ABLIM1: variants seen among roughly 807,000 people sequenced by gnomAD.
ABLIM1 encodes actin binding LIM protein 1.
In ABLIM1, 40 loss-of-function variants were observed where a neutral mutation model predicts 107.0. That is an observed-to-expected ratio of 0.37 (90% CI 0.29 to 0.49). The LOEUF (loss-of-function observed/expected upper bound fraction) is 0.49, where lower values mean the gene tolerates loss of function less well. Ranked by LOEUF, ABLIM1 falls within the 20% of genes least tolerant of loss-of-function variation. ABLIM1 has a pLI of 0.97. For synonymous variants in ABLIM1, 357 were observed against 357.3 expected, an observed-to-expected ratio of 1.00 and a Z score of 0.01; for missense variants, 857 against 1,008.5, an observed-to-expected ratio of 0.85 and a Z score of 2.04.
At chr10:114,563,565 T>C (rs2070127592) in intron 4 of ABLIM1, among the ~76,000 whole-genome samples, 1 of 152,082 alleles carries the variant, frequency 6.6e-6, no homozygotes, top group Non-Finnish European at 1.5e-5. Context: ...CCAGGACTGG[T>C]GGCTAATGCC....
chr10:114,760,747 C>T (rs2082728200), intron 1 of ABLIM1, among the ~76,000 whole-genome samples: 1 of 152,184 alleles, frequency 6.6e-6, no homozygotes, highest in South Asian at 2.1e-4. Context: ...GGGAACAATT[C>T]AACCTTCTGA....
At position 114,473,119 on chromosome 10, in the gene ABLIM1, T is replaced by A. The variant is rs766723556; in HGVS notation, c.1133A>T (p.Asn378Ile). ...TAAATCCTTGTAATCCAGGATCTCA[T>A]TGTCTACTTTTGCCTGGCAAAGTTA... is the stretch of plus-strand genomic sequence containing the variant. The part of the protein sequence containing the change: ...PGHTIYAKVD[N>I]EILDYKDLAA... The change falls in exon 10 of 23, where the codon AAT (asparagine) becomes ATT (isoleucine). Residue 378 changes from asparagine (N) to isoleucine (I), a missense_variant. By Grantham distance (149) the Asn-to-Ile change is moderately radical. This residue lies in a region of ABLIM1 where 381 missense variants were observed against 506.9 expected (regional missense o/e 0.75). Transcript: ENST00000533213. 1.4e-5 allele frequency: 23 copies of A among 1,608,898 alleles called. No individual in the cohort carries two copies. The highest frequency in any genetic ancestry group is 1.8e-5 in the Non-Finnish European group (21 of 1,177,070).
chr10:114,498,129 C>T (rs1009990560), intron 6 of ABLIM1, among the ~76,000 whole-genome samples: 1 of 152,186 alleles, frequency 6.6e-6, no homozygotes, highest in African/African-American at 2.4e-5. Context: ...AATCATACCT[C>T]AATTTACCAT....
intron 7 of ABLIM1, among the ~76,000 whole-genome samples, chr10:114,488,937 A>G (rs557310392): frequency 6.6e-6 from 1 of 152,370 alleles, no homozygotes; most frequent in East Asian, 1.9e-4. Context: ...TAAAGTTACT[A>G]TGTTGAAAGC....
At chr10:114,446,631 GC>G (rs2061062843) in intron 15 of ABLIM1, among the ~76,000 whole-genome samples, 1 of 149,826 alleles carries the variant, frequency 6.7e-6, no homozygotes, top group African/African-American at 2.6e-5. Context: ...ATCTAAAAGA[GC>G]TTTAAACTAC....
At chr10:114,783,224 G>A in the ABLIM1 span, among the ~76,000 whole-genome samples, 1 of 151,926 alleles carries the variant, frequency 6.6e-6, no homozygotes, top group African/African-American at 2.4e-5. Flanking sequence ...AGAGGTTGCA[G>A]TGAGCCAAGA....
chr10:114,787,746 G>C, the ABLIM1 span, among the ~76,000 whole-genome samples: 1 of 137,878 alleles, frequency 7.3e-6, no homozygotes, highest in Non-Finnish European at 1.6e-5. Context: ...CCCCGTCCGG[G>C]AGGTGAGGGG....
chr10:114,583,027 T>C (rs1393488335), intron 2 of ABLIM1, among the ~76,000 whole-genome samples: 1 of 152,076 alleles, frequency 6.6e-6, no homozygotes, highest in Non-Finnish European at 1.5e-5. Flanking sequence ...CTAATTAAAC[T>C]AAAGAGCTTC....
At chr10:114,515,874 C>T (rs992747367) in intron 6 of ABLIM1, among the ~76,000 whole-genome samples, 3 of 152,154 alleles carry the variant, frequency 2.0e-5, no homozygotes, top group Non-Finnish European at 4.4e-5. Flanking sequence ...TGGAAGAGGC[C>T]AGGGTAAATC....
At chr10:114,741,118 C>T (rs2082278075) in intron 1 of ABLIM1, among the ~76,000 whole-genome samples, 1 of 150,144 alleles carries the variant, frequency 6.7e-6, no homozygotes, top group Non-Finnish European at 1.5e-5. Context: ...AGGGAAGATA[C>T]TGTCTTAAGT....
intron 1 of ABLIM1, among the ~76,000 whole-genome samples, chr10:114,643,682 T>C (rs966656131): frequency 1.3e-5 from 2 of 151,274 alleles, no homozygotes; most frequent in South Asian, 4.2e-4. Flanking sequence ...GCTCAAGTGA[T>C]CCTCCCACCC....
intron 1 of ABLIM1, among the ~76,000 whole-genome samples, chr10:114,723,610 A>C (rs1361854398): frequency 1.3e-5 from 2 of 152,172 alleles, no homozygotes; most frequent in African/African-American, 4.8e-5. Flanking sequence ...CCTCCTCTCC[A>C]CCACCTAACA....
intron 6 of ABLIM1, among the ~76,000 whole-genome samples, chr10:114,512,095 G>A (rs1355582776): frequency 1.3e-5 from 2 of 152,202 alleles, no homozygotes; most frequent in South Asian, 2.1e-4. Context: ...CAGGCCAGTC[G>A]TGCTGAGCAC....
intron 5 of ABLIM1, among the ~76,000 whole-genome samples, chr10:114,545,945 A>AC (rs1320370525): frequency 3.2e-5 from 4 of 123,606 alleles, no homozygotes; most frequent in African/African-American, 8.3e-5. Context: ...AAAAAAAACA[A>AC]AAAAAAAAAA....
chr10:114,746,264 A>C (rs1484478577), intron 1 of ABLIM1, among the ~76,000 whole-genome samples: 1 of 152,226 alleles, frequency 6.6e-6, no homozygotes, highest in Non-Finnish European at 1.5e-5. Context: ...CCCCAGCCTC[A>C]GTAACCACCA....
intron 1 of ABLIM1, among the ~76,000 whole-genome samples, chr10:114,739,250 T>C (rs2082241780): frequency 6.6e-6 from 1 of 152,214 alleles, no homozygotes; most frequent in African/African-American, 2.4e-5. Context: ...AATGTAAATG[T>C]CAAATTTTGA....
At chr10:114,600,739 G>A (rs2075901563) in intron 2 of ABLIM1, among the ~76,000 whole-genome samples, 1 of 152,102 alleles carries the variant, frequency 6.6e-6, no homozygotes, top group South Asian at 2.1e-4. Flanking sequence ...TGCACTCTGA[G>A]TCTCGCCTCC....
At chr10:114,581,553 G>A (rs1027588466) in intron 2 of ABLIM1, among the ~76,000 whole-genome samples, 9 of 152,238 alleles carry the variant, frequency 5.9e-5, no homozygotes, top group African/African-American at 1.9e-4. Context: ...CTCTCATACA[G>A]GTTTTAATCA....
At chr10:114,787,817 G>A in the ABLIM1 span, among the ~76,000 whole-genome samples, 7 of 147,636 alleles carry the variant, frequency 4.7e-5, no homozygotes, top group South Asian at 9.0e-4. Flanking sequence ...CCACGACCCC[G>A]TCTGGGAGGT....
Sources: gnomAD v4.1 joint callset for allele counts (sites outside exome capture counted in the v4.1 genomes callset) on GRCh38, gnomAD v4.1.1 for gene constraint, gnomAD v4.1.1 regional missense constraint, MANE v1.5 for transcripts, NCBI Gene and HGNC (gene_info 2026-07-23, HGNC 2026-07-21) for gene names.